CRACD: variants seen among roughly 807,000 people sequenced by gnomAD.
CRACD encodes the protein capping protein-inhibiting regulator of actin dynamics.
In CRACD, 56 loss-of-function variants were observed where a neutral mutation model predicts 106.8. That is an observed-to-expected ratio of 0.52 (90% CI 0.42 to 0.66). CRACD has a LOEUF of 0.66. Ranked by LOEUF, CRACD falls within the 30% of genes least tolerant of loss-of-function variation. The pLI is 0.00. For synonymous variants in CRACD, 754 were observed against 670.8 expected, an observed-to-expected ratio of 1.12 and a Z score of -1.92; for missense variants, 1,730 against 1,623.2, an observed-to-expected ratio of 1.07 and a Z score of -1.13.
intron 2 of CRACD, among the ~76,000 whole-genome samples, chr4:56,188,711 C>CACACACACACACAGAGAGAG (rs1446016845): frequency 8.8e-6 from 1 of 113,174 alleles, no homozygotes; most frequent in African/African-American, 3.9e-5. Flanking sequence ...CACACACACA[C>CACACACACACACAGAGAGAG]AGAGAGAGAG....
At chr4:56,215,511 T>C (rs1026466665) in intron 2 of CRACD, among the ~76,000 whole-genome samples, 3 of 152,274 alleles carry the variant, frequency 2.0e-5, no homozygotes, top group Non-Finnish European at 4.4e-5. Context: ...TTTATCATAA[T>C]GCATATTTAC....
chr4:56,123,664 A>G (rs1159326082), intron 1 of CRACD, among the ~76,000 whole-genome samples: 3 of 152,070 alleles, frequency 2.0e-5, no homozygotes, highest in African/African-American at 4.8e-5. Context: ...AGGTCAAACA[A>G]TTTGCCCCAA....
At chr4:56,299,183 T>G (rs1286065809) in intron 4 of CRACD, among the ~76,000 whole-genome samples, 2 of 149,836 alleles carry the variant, frequency 1.3e-5, no homozygotes, top group African/African-American at 5.1e-5. Flanking sequence ...TTAAGCCACT[T>G]CCAGTTCACT....
chr4:56,205,963 C>A (rs1374549684), intron 2 of CRACD, among the ~76,000 whole-genome samples: 1 of 152,154 alleles, frequency 6.6e-6, no homozygotes, highest in Non-Finnish European at 1.5e-5. Flanking sequence ...TGTATGTGTG[C>A]TTGCTTCCCT....
At chr4:56,301,097 C>A in intron 4 of CRACD, 1 of 526,596 alleles carries the variant, frequency 1.9e-6, no homozygotes, top group Non-Finnish European at 3.0e-6. Flanking sequence ...CTTTTGAAAA[C>A]ATAAAAGGCT....
In CRACD at chr4:56,315,830, G is replaced by C; in HGVS notation, c.2328G>C (p.Ser776=). The C allele has an allele frequency of 6.2e-7, 1 of 1,614,170 alleles. No homozygotes were observed. Among genetic ancestry groups the C allele is most frequent in the Non-Finnish European group, 8.5e-7 (1 of 1,180,032 alleles). ...VRELGKGPEK[S]EMHREPADTT... is the part of the protein sequence containing the mutation. ...AGCTCGGGAAGGGTCCGGAGAAGTCGGAGATGCACCGGGAGCCCGCAGACA... is the reference window on the plus strand; with the variant it reads ...AGCTCGGGAAGGGTCCGGAGAAGTCCGAGATGCACCGGGAGCCCGCAGACA... The change falls in exon 8 of 11, where the codon TCG becomes TCC. Residue 776 remains serine, a synonymous_variant. Transcript: ENST00000682029. This position sits in a 1 kb window ranked among gnomAD's most constrained non-coding sequence, Gnocchi z 4.1.
chr4:56,137,007 T>C (rs1464050197), intron 1 of CRACD, among the ~76,000 whole-genome samples: 1 of 152,218 alleles, frequency 6.6e-6, no homozygotes, highest in Non-Finnish European at 1.5e-5. Flanking sequence ...CCTCACACCA[T>C]TGTCAAAAAT....
chr4:56,176,822 G>C (rs1385635343), intron 1 of CRACD, among the ~76,000 whole-genome samples: 1 of 151,948 alleles, frequency 6.6e-6, no homozygotes, highest in Non-Finnish European at 1.5e-5. Flanking sequence ...TCTTTTTGTA[G>C]GTTTTGTAAA....
At chr4:56,094,808 T>C (rs1221739662) in intron 1 of CRACD, among the ~76,000 whole-genome samples, 2 of 152,186 alleles carry the variant, frequency 1.3e-5, no homozygotes, top group Non-Finnish European at 2.9e-5. Flanking sequence ...AAAGCAAAGA[T>C]ATGTTATTGA....
intron 3 of CRACD, among the ~76,000 whole-genome samples, chr4:56,278,940 GAT>G (rs1396064837): frequency 2.6e-5 from 4 of 152,014 alleles, no homozygotes; most frequent in African/African-American, 9.7e-5. Context: ...CCACAAATGA[GAT>G]ATTATTTCAC....
chr4:56,324,376 G>A, intron 10 of CRACD, 110 bp downstream of exon 10: 1 of 1,020,416 alleles, frequency 9.8e-7, no homozygotes, highest in East Asian at 2.7e-5. Flanking sequence ...GCATTTCAAA[G>A]CACAGGCTAT....
At chr4:56,181,724 A>G (rs1326086250) in intron 2 of CRACD, among the ~76,000 whole-genome samples, 2 of 152,188 alleles carry the variant, frequency 1.3e-5, no homozygotes, top group African/African-American at 4.8e-5. Flanking sequence ...CCTGGGCTGC[A>G]GCTGCATCCC....
At chr4:56,248,807 T>C (rs1024028117) in intron 2 of CRACD, among the ~76,000 whole-genome samples, 19 of 141,304 alleles carry the variant, frequency 1.3e-4, no homozygotes, top group Admixed American at 3.6e-4. Flanking sequence ...TTCCCACCTA[T>C]GAGTGAGAAT....
At chr4:56,321,791 C>T (rs1004240247) in intron 8 of CRACD, among the ~76,000 whole-genome samples, 11 of 152,272 alleles carry the variant, frequency 7.2e-5, no homozygotes, top group East Asian at 3.9e-4. Context: ...ATAACTGAAT[C>T]GTTATTTGAT....
In CRACD at chr4:56,049,107, C is replaced by G. The variant is rs1315916073; in HGVS notation, c.-528C>G. 1 of 149,774 alleles carries G rather than the reference C, an allele frequency of 6.7e-6. No homozygotes were observed. Among genetic ancestry groups the G allele is most frequent in the Non-Finnish European group, 1.5e-5 (1 of 67,148 alleles). The allele number at this position is 149,774 out of a possible 1,614,324, so 9.3% of individuals were successfully genotyped here. A position where few individuals can be genotyped will look rare whatever the true frequency, so the allele number is the denominator to read the frequency against. On this transcript the variant is annotated 5_prime_UTR_variant, in exon 1 of 11. Coordinates refer to ENST00000682029, the MANE Select transcript of CRACD (RefSeq NM_001393381.1). The stretch of plus-strand genomic sequence containing the variant: ...GCGCGGGGCCGGGCGCGCAGTGCCG[C>G]GCGGTGGCGGCAGTGGGGAGAGCAA...
At chr4:56,182,483 C>A (rs1224761956) in intron 2 of CRACD, among the ~76,000 whole-genome samples, 1 of 150,844 alleles carries the variant, frequency 6.6e-6, no homozygotes, top group Non-Finnish European at 1.5e-5. Flanking sequence ...TAGCTATCTG[C>A]AGTCCCAGCC....
At chr4:56,151,397 C>CT (rs538964472) in intron 1 of CRACD, among the ~76,000 whole-genome samples, 22 of 147,792 alleles carry the variant, frequency 1.5e-4, no homozygotes, top group East Asian at 7.9e-4. Context: ...AACGCATTGC[C>CT]TTTTTTTTTT....
intron 4 of CRACD, 125 bp from the exon 5 acceptor site, chr4:56,307,410 T>C (rs1744801033): frequency 1.3e-6 from 1 of 760,492 alleles, no homozygotes; most frequent in South Asian, 2.2e-5. Flanking sequence ...GGCATGGTGT[T>C]GAGTCTAGAA....
intron 2 of CRACD, among the ~76,000 whole-genome samples, chr4:56,256,308 G>C (rs1741356309): frequency 6.6e-6 from 1 of 152,136 alleles, no homozygotes; most frequent in African/African-American, 2.4e-5. Flanking sequence ...CTCTTCTCTT[G>C]TCGGCCACCA....
Sources: allele counts gnomAD v4.1 joint callset (sites outside exome capture counted in the v4.1 genomes callset), GRCh38; gene constraint gnomAD v4.1.1; non-coding constraint Gnocchi (gnomAD v3.1); transcripts MANE v1.5; gene names NCBI Gene and HGNC (gene_info 2026-07-23, HGNC 2026-07-21).